The following CYP4A22 variants were observed in gnomAD, a reference collection of about 807,000 sequenced individuals.
CYP4A22 encodes the protein cytochrome P450 4A22.
CYP4A22 carries 46 observed loss-of-function variants against 56.2 expected under a neutral mutation model. That is an observed-to-expected ratio of 0.82 (90% confidence interval 0.65 to 1.05). The LOEUF (loss-of-function observed/expected upper bound fraction) is 1.05. CYP4A22 is among the 50% of genes least tolerant of loss of function. The pLI is 0.00. For synonymous variants in CYP4A22, 193 were observed against 251.1 expected (o/e 0.77, Z 2.19); for missense variants, 541 against 645.9 (o/e 0.84, Z 1.76).
At chr1:47,144,036 G>A (rs1052222704) in intron 6 of CYP4A22, 120 bp downstream of exon 6, 1 of 1,488,962 alleles carries the variant, frequency 6.7e-7, no homozygotes, top group African/African-American at 1.4e-5. Context: ...ACTCAGCCTG[G>A]GGAATTCCCT....
intron 4 of CYP4A22, 81 bp downstream of exon 4, chr1:47,142,316 A>T (rs1645021037): frequency 1.1e-5 from 16 of 1,510,360 alleles, no homozygotes; most frequent in Non-Finnish European, 1.2e-5. Context: ...CCTGTGTCCC[A>T]CAGGCAGCCA....
At position 47,147,023 on chromosome 1, in the gene CYP4A22, A is replaced by C. The variant is rs557819340; in HGVS notation, c.1364+870A>C. On this transcript the variant is annotated intron_variant, in intron 11 of 11. Coordinates refer to ENST00000371891, the MANE Select transcript of CYP4A22 (RefSeq NM_001010969.4). ...CTATTGAGCTGGAGAGGAAAACTCC[A>C]GAATGGCTGCGGTGGAAATCATCGT... 6 of 985,496 alleles carry C rather than the reference A, an allele frequency of 6.1e-6. No homozygotes were observed. The East Asian group carries it at 5.7e-4, about 93-fold the overall frequency. The allele number at this position is 985,496 out of a possible 1,614,324, so 61.0% of individuals were successfully genotyped here. A position where few individuals can be genotyped will look rare whatever the true frequency, so the allele number is the denominator to read the frequency against.
In CYP4A22 at chr1:47,137,625, C is replaced by G. The variant is rs534701920; in HGVS notation, c.140C>G (p.Ala47Gly). Residue 47 changes from alanine (A) to glycine (G), a missense_variant, in exon 1 of 12, where the codon GCC (alanine) becomes GGC (glycine). Coordinates refer to ENST00000371891, the MANE Select transcript of CYP4A22 (RefSeq NM_001010969.4). ...LYLHRQWLLK[A>G]LQQFPCPPSH... is the part of the protein sequence containing the mutation. ...CTGCATAGGCAGTGGCTGCTCAAAGCCCTCCAGCAGTTCCCGTGCCCTCCC... is the reference window on the plus strand; with the variant it reads ...CTGCATAGGCAGTGGCTGCTCAAAGGCCTCCAGCAGTTCCCGTGCCCTCCC... The G allele has an allele frequency of 6.2e-6, 10 of 1,614,108 alleles. No individual in the cohort carries two copies. In the East Asian group the frequency reaches 2.2e-4, roughly 36 times the overall value.
Position 47,145,917 on chromosome 1 carries a change from G to A in CYP4A22, c.1274G>A (p.Trp425Ter). 2 of 1,614,070 alleles carry A rather than the reference G, an allele frequency of 1.2e-6. No individual in the cohort carries two copies. Among genetic ancestry groups the A allele is most frequent in the East Asian group, 2.2e-5 (1 of 44,882 alleles). Reference sequence around the variant, plus strand: ...GGCCTTCACCACAACCCAAAAGTGTGGCCCAACCTAGAGGTATGTGGTCCT... The same window carrying A: ...GGCCTTCACCACAACCCAAAAGTGTAGCCCAACCTAGAGGTATGTGGTCCT... Reference protein sequence around the residue: ...IYGLHHNPKVWPNLEVFDPSR... With the variant: ...IYGLHHNPKV Residue 425 changes from tryptophan to a stop codon, truncating the protein, a stop_gained, in exon 10 of 12, where the codon TGG (tryptophan) becomes TAG (stop). Transcript: ENST00000371891. LOFTEE classifies it high-confidence loss of function.
At position 47,142,365 on chromosome 1, in the gene CYP4A22, C is replaced by G. The variant is rs1219334569; in HGVS notation, c.510+130C>G. 2.1e-5 allele frequency: 29 copies of G among 1,376,366 alleles called. No homozygotes were observed. In the East Asian group the frequency reaches 5.0e-4, roughly 24 times the overall value. 85.3% of individuals were successfully genotyped at this position (1,376,366 alleles called of 1,614,324 possible). On this transcript the variant is annotated intron_variant, in intron 4 of 11. Coordinates refer to ENST00000371891, the MANE Select transcript of CYP4A22 (RefSeq NM_001010969.4). ...ATGGAACAACACTCTCAGGTCATTG[C>G]TGTGAGAGTAGAGGGTTCCCCAGAG...
At chr1:47,143,551 A>G (rs948117339) in intron 5 of CYP4A22, among the ~76,000 whole-genome samples, 158 bp downstream of exon 5, 3 of 152,210 alleles carry the variant, frequency 2.0e-5, no homozygotes, top group Non-Finnish European at 4.4e-5. Flanking sequence ...ACAAAGTCTC[A>G]GGAACAGATG....
In CYP4A22 at chr1:47,138,843, C is replaced by T. The variant is rs190840208; in HGVS notation, c.195+1163C>T. 7.2e-5 allele frequency among the ~76,000 whole-genome samples: 11 copies of T among 152,220 alleles called. 1 individual carries two copies. Among genetic ancestry groups the T allele is most frequent in the East Asian group, 1.9e-4 (1 of 5,162 alleles). On this transcript the variant is annotated intron_variant, in intron 1 of 11. Coordinates refer to ENST00000371891, the MANE Select transcript of CYP4A22 (RefSeq NM_001010969.4). Reference sequence around the variant, plus strand: ...TGCTATCCCTGCATGGGGAGAGGGGCGGGTAGGAACAGAGCAAGGTAAACG... The same window carrying T: ...TGCTATCCCTGCATGGGGAGAGGGGTGGGTAGGAACAGAGCAAGGTAAACG...
chr1:47,146,722 G>A (rs1276074473), intron 11 of CYP4A22: 8 of 989,916 alleles, frequency 8.1e-6, no homozygotes, highest in Non-Finnish European at 8.4e-6. Context: ...TTACAACAGT[G>A]TGTGTCATAT....
At chr1:47,139,538 C>T (rs908188218) in intron 1 of CYP4A22, among the ~76,000 whole-genome samples, 1 of 152,198 alleles carries the variant, frequency 6.6e-6, no homozygotes, top group African/African-American at 2.4e-5. Flanking sequence ...TTCCTTACCC[C>T]CCAACTAGAC....
chr1:47,147,533 A>G (rs1461310945), intron 11 of CYP4A22: 1 of 745,002 alleles, frequency 1.3e-6, no homozygotes, highest in Non-Finnish European at 1.6e-6. Flanking sequence ...TCTTTCACTC[A>G]TTCACTCACT....
rs549333757 is a variant in CYP4A22 at position 47,141,584 on chromosome 1, T to C, written c.351T>C (p.His117=). 2 of 1,613,740 alleles carry C rather than the reference T, an allele frequency of 1.2e-6. No homozygotes were observed. The highest frequency in any genetic ancestry group is 1.7e-6 in the Non-Finnish European group (2 of 1,179,822). The part of the protein sequence containing the change: ...VILGRSDPKS[H]GSYKFLAPRI... ...CTTACTTTTCAGACCCGAAATCCCA[T>C]GGATCCTACAAATTCCTGGCTCCAC... is the stretch of plus-strand genomic sequence containing the variant. Residue 117 remains histidine (H), a synonymous_variant, in exon 3 of 12, where the codon CAT becomes CAC. Coordinates refer to ENST00000371891, the MANE Select transcript of CYP4A22 (RefSeq NM_001010969.4).
Position 47,148,704 on chromosome 1 carries a change from C to G in CYP4A22, c.1467C>G (p.Ile489Met). 1 of 1,614,108 alleles carries G rather than the reference C, an allele frequency of 6.2e-7. No homozygotes were observed. Residue 489 changes from isoleucine to methionine, a missense_variant, in exon 12 of 12, where the codon ATC becomes ATG. By Grantham distance (10) the Ile-to-Met change is conservative. Around this residue, in one of 3 missense-constraint regions of CYP4A22, gnomAD observed 204 missense variants for 258.9 expected, o/e 0.79. Transcript: ENST00000371891. ...TGCCTGATCCCACCAGGATCCCCAT[C>G]CCCATGGCACGACTTGTGTTGAAAT... is the stretch of plus-strand genomic sequence containing the variant. ...ELLPDPTRIP[I>M]PMARLVLKSK... is the part of the protein sequence containing the mutation.
chr1:47,145,352 A>G (rs1645064352), intron 9 of CYP4A22, among the ~76,000 whole-genome samples: 1 of 152,174 alleles, frequency 6.6e-6, no homozygotes, highest in Non-Finnish European at 1.5e-5. Flanking sequence ...GTCTCTGAGG[A>G]ACCCTCAGGT....
rs1199400859 is a variant in CYP4A22 at position 47,146,132 on chromosome 1, T to C, written c.1343T>C (p.Leu448Pro). Residue 448 changes from leucine (L) to proline (P), a missense_variant, in exon 11 of 12, where the codon CTG (leucine) becomes CCG (proline). Leu to Pro is a moderately conservative substitution (Grantham distance 98). Around this residue, in one of 3 missense-constraint regions of CYP4A22, gnomAD observed 204 missense variants for 258.9 expected, o/e 0.79. Transcript: ENST00000371891. ...PGSAQHSHAF[L>P]PFSGGSRNCI... ...TCTGCTCAACACAGCCACGCTTTCC[T>C]GCCCTTCTCAGGAGGATCAAGGTGA... 1.1e-5 allele frequency: 17 copies of C among 1,614,206 alleles called. No individual in the cohort carries two copies. In the South Asian group the frequency reaches 1.8e-4, roughly 17 times the overall value.
intron 4 of CYP4A22, 27 bp downstream of exon 4, chr1:47,142,262 C>A: frequency 6.4e-7 from 1 of 1,567,292 alleles, no homozygotes; most frequent in South Asian, 1.2e-5. Flanking sequence ...CTCCTCTCCC[C>A]ACACCCACTC....
chr1:47,146,705 G>A (rs1271291330), intron 11 of CYP4A22: 51 of 990,478 alleles, frequency 5.1e-5, no homozygotes, highest in Non-Finnish European at 6.0e-5. Flanking sequence ...GCCCTTTGAA[G>A]AAAGTTTTAC....
Position 47,141,599 on chromosome 1 carries a change from C to G in CYP4A22, c.366C>G (p.Phe122Leu), listed in dbSNP as rs756026269. Residue 122 changes from phenylalanine to leucine, a missense_variant, in exon 3 of 12, where the codon TTC becomes TTG. Physicochemically the swap from Phe to Leu is conservative, Grantham distance 22. Coordinates refer to ENST00000371891, the MANE Select transcript of CYP4A22 (RefSeq NM_001010969.4). ...CGAAATCCCATGGATCCTACAAATT[C>G]CTGGCTCCACGGATTGGTATGTGTG... ...SDPKSHGSYK[F>L]LAPRIGYGLL... 12 of 1,613,668 alleles carry G rather than the reference C, an allele frequency of 7.4e-6. No homozygotes were observed. The highest frequency in any genetic ancestry group is 1.0e-5 in the Non-Finnish European group (12 of 1,179,790).
rs1645077138 is a variant in CYP4A22, at chr1:47,146,428, T to C, written c.1364+275T>C. 4 of 1,321,762 alleles carry C rather than the reference T, an allele frequency of 3.0e-6. No individual in the cohort carries two copies. The Admixed American group carries it at 9.5e-5, about 31-fold the overall frequency. The allele number at this position is 1,321,762 out of a possible 1,614,324, so 81.9% of individuals were successfully genotyped here. ...CATGTTCCAAACTTCAGTATATTCATGTATTTTCCTCACTTTAAGGATATG... is the reference window on the plus strand; with the variant it reads ...CATGTTCCAAACTTCAGTATATTCACGTATTTTCCTCACTTTAAGGATATG... On this transcript the variant is annotated intron_variant, in intron 11 of 11. Transcript: ENST00000371891.
chr1:47,144,398 G>A lies in CYP4A22; in HGVS notation c.832G>A (p.Gly278Arg), dbSNP rs766404686. Residue 278 changes from glycine (G) to arginine (R), a missense_variant, in exon 7 of 12, where the codon GGG (glycine) becomes AGG (arginine). Physicochemically the swap from Gly to Arg is moderately radical, Grantham distance 125 (BLOSUM62 -2). Around this residue, in one of 3 missense-constraint regions of CYP4A22, gnomAD observed 335 missense variants for 361.2 expected, o/e 0.93. Coordinates refer to ENST00000371891, the MANE Select transcript of CYP4A22 (RefSeq NM_001010969.4). ...GAGGAAGGCTCAACTACAGAAGGAG[G>A]GGGAGCTGGAGAAGATCAAGAGGAA... ...QLRKAQLQKE[G>R]ELEKIKRKRH... The A allele has an allele frequency of 5.6e-6, 9 of 1,613,794 alleles. 1 individual carries two copies. The Admixed American group carries it at 1.2e-4, about 21-fold the overall frequency.
Sources: gnomAD v4.1 joint callset for allele counts (sites outside exome capture counted in the v4.1 genomes callset) on GRCh38, gnomAD v4.1.1 for gene constraint, gnomAD v4.1.1 regional missense constraint, MANE v1.5 for transcripts, NCBI Gene and HGNC (gene_info 2026-07-23, HGNC 2026-07-21) for gene names.